Variants in TM6SF1 observed in about 807,000 individuals in gnomAD.
TM6SF1 encodes transmembrane 6 superfamily member 1.
TM6SF1 carries 43 observed loss-of-function variants against 47.1 expected under a neutral mutation model. The observed-to-expected ratio is 0.91, with a 90% CI of 0.72 to 1.18. The LOEUF is 1.18. Ranked by LOEUF, TM6SF1 falls within the 50% of genes most tolerant of loss-of-function variation. The pLI is 0.00. For missense variants in TM6SF1, 390 were observed against 449.0 expected, an observed-to-expected ratio of 0.87 and a Z score of 1.19; for synonymous variants, 177 against 166.3, an observed-to-expected ratio of 1.06 and a Z score of -0.49.
intron 9 of TM6SF1, chr15:83,133,331 AACACTCTTT>A (rs2036384357): frequency 6.6e-6 from 1 of 152,226 alleles, no homozygotes; most frequent in African/African-American, 2.4e-5. Flanking sequence ...ATGGACATAT[AACACTCTTT>A]CAGTTCCTCC....
chr15:83,117,315 G>A (rs141024366), intron 3 of TM6SF1, among the ~76,000 whole-genome samples: 1 of 152,282 alleles, frequency 6.6e-6, no homozygotes, highest in African/African-American at 2.4e-5. Context: ...GATGCTGGCA[G>A]GGCTTTGCAG....
At chr15:83,120,259 C>T (rs534039741) in intron 4 of TM6SF1, among the ~76,000 whole-genome samples, 1 of 152,314 alleles carries the variant, frequency 6.6e-6, no homozygotes, top group East Asian at 1.9e-4. Context: ...TCTTGGGAGG[C>T]ACACATGTGA....
chr15:83,115,538 G>A (rs911200172), intron 2 of TM6SF1: 1 of 492,870 alleles, frequency 2.0e-6, no homozygotes, highest in African/African-American at 1.9e-5. Context: ...TTGTAGGGGA[G>A]TGGAGGATGG....
intron 9 of TM6SF1, chr15:83,132,109 T>A (rs149652711): frequency 1.1e-4 from 17 of 152,336 alleles, no homozygotes; most frequent in African/African-American, 3.8e-4. Flanking sequence ...GTGAGGATAA[T>A]AACAGTAGCT....
chr15:83,110,917 C>T lies in TM6SF1; in HGVS notation c.93-1880C>T, dbSNP rs188623160. ...ACGGACTCTTGCTCTGTCATCCAAG[C>T]GGGACTGCAGTGGTGCAATCTTGGC... On this transcript the variant is annotated intron_variant, in intron 1 of 9. Transcript: ENST00000322019. Among the ~76,000 whole-genome samples, 748 of 152,286 alleles carry T rather than the reference C, an allele frequency of 4.9e-3. 5 individuals carry two copies. Among genetic ancestry groups the T allele is most frequent in the African/African-American group, 0.017 (695 of 41,566 alleles).
At chr15:83,130,094 T>G (rs908900569) in intron 9 of TM6SF1, 1 of 152,212 alleles carries the variant, frequency 6.6e-6, no homozygotes, top group Non-Finnish European at 1.5e-5. Flanking sequence ...GATGCAGGAA[T>G]GCTAAGTGTC....
At chr15:83,129,179 C>T (rs1321897744) in intron 9 of TM6SF1, 2 of 151,638 alleles carry the variant, frequency 1.3e-5, no homozygotes, top group Non-Finnish European at 2.9e-5. Flanking sequence ...TTTTTTTTTC[C>T]AGCTCCGCTG....
intron 9 of TM6SF1, chr15:83,134,225 T>G (rs2036460273): frequency 7.1e-6 from 1 of 141,216 alleles, no homozygotes; most frequent in Non-Finnish European, 1.5e-5. Context: ...GACATGAATC[T>G]TTTTTTTTTT....
chr15:83,113,625 C>G (rs1444422822), intron 2 of TM6SF1: 2 of 152,490 alleles, frequency 1.3e-5, no homozygotes, highest in Non-Finnish European at 2.9e-5. Flanking sequence ...CCTACAGCAA[C>G]AAACATTTAT....
intron 9 of TM6SF1, chr15:83,135,824 C>T (rs572584401): frequency 4.6e-5 from 7 of 152,316 alleles, no homozygotes; most frequent in South Asian, 2.1e-4. Context: ...AACCGTACTC[C>T]TACCTCCACC....
chr15:83,118,394 A>G (rs2034898226), intron 3 of TM6SF1, among the ~76,000 whole-genome samples: 1 of 152,232 alleles, frequency 6.6e-6, no homozygotes, highest in African/African-American at 2.4e-5. Flanking sequence ...ATGCTCATCA[A>G]GCTACCAGGA....
rs779388488 is a variant in TM6SF1, at chr15:83,136,630, A to G, written c.1071A>G (p.Pro357=). 1.2e-6 allele frequency: 2 copies of G among 1,606,670 alleles called. No homozygotes were observed. Among genetic ancestry groups the G allele is most frequent in the African/African-American group, 1.3e-5 (1 of 74,508 alleles). ...TGGCCTATCGTTGTATCTACAAACC[A>G]GAGTTCTTCATAAAAACAAAGGCAG... The part of the protein sequence containing the change: ...QLLAYRCIYK[P]EFFIKTKAEE... The change falls in exon 10 of 10, where the codon CCA becomes CCG. Residue 357 remains proline, a synonymous_variant. Coordinates refer to ENST00000322019, the MANE Select transcript of TM6SF1 (RefSeq NM_023003.5).
rs972216782 is a variant in TM6SF1 at position 83,107,840 on chromosome 15, C to T, written c.92+68C>T. ...GGAGTTGGCTCGCCGCGACGGGAGCCTCGCAACTTTTCCGAGGGGGCTGGG... is the reference window on the plus strand; with the variant it reads ...GGAGTTGGCTCGCCGCGACGGGAGCTTCGCAACTTTTCCGAGGGGGCTGGG... On this transcript the variant is annotated intron_variant, in intron 1 of 9. Transcript: ENST00000322019. This position sits in a 1 kb window ranked among gnomAD's most constrained non-coding sequence, Gnocchi z 5.6. 4.6e-6 allele frequency: 7 copies of T among 1,509,004 alleles called. No individual in the cohort carries two copies. The highest frequency in any genetic ancestry group is 6.2e-6 in the Non-Finnish European group (7 of 1,128,366). The allele number at this position is 1,509,004 out of a possible 1,614,324, so 93.5% of individuals were successfully genotyped here. A position where few individuals can be genotyped will look rare whatever the true frequency, so the allele number is the denominator to read the frequency against.
At chr15:83,115,600 T>C (rs1217723737) in intron 2 of TM6SF1, 2 of 640,840 alleles carry the variant, frequency 3.1e-6, no homozygotes, top group African/African-American at 3.6e-5. Context: ...GTGACCATCA[T>C]TCTCCACTCC....
At chr15:83,119,247 A>G (rs1266458962) in intron 3 of TM6SF1, among the ~76,000 whole-genome samples, 1 of 152,208 alleles carries the variant, frequency 6.6e-6, no homozygotes, top group Non-Finnish European at 1.5e-5. Context: ...CCTTGTGTCA[A>G]AGATTTGGCT....
intron 9 of TM6SF1, chr15:83,135,496 T>C (rs1035136558): frequency 5.9e-5 from 9 of 152,222 alleles, no homozygotes. Flanking sequence ...TATCTTGAAT[T>C]TCAGCAAGAT....
chr15:83,108,257 A>C (rs1427837574), intron 1 of TM6SF1, among the ~76,000 whole-genome samples: 1 of 152,190 alleles, frequency 6.6e-6, no homozygotes, highest in Admixed American at 6.5e-5. Flanking sequence ...GCCCGGAACC[A>C]ACAGGCAGAG....
chr15:83,126,497 G>T (rs556915637), intron 7 of TM6SF1, among the ~76,000 whole-genome samples: 1 of 152,182 alleles, frequency 6.6e-6, no homozygotes, highest in African/African-American at 2.4e-5. Flanking sequence ...GCCAAACCTA[G>T]ATACTTAAAC....
intron 1 of TM6SF1, among the ~76,000 whole-genome samples, chr15:83,110,851 T>A (rs2034079861): frequency 6.6e-6 from 1 of 152,162 alleles, no homozygotes; most frequent in African/African-American, 2.4e-5. Context: ...CCACCCTCAT[T>A]CTTTTTTAAA....
Sources: allele counts gnomAD v4.1 joint callset (sites outside exome capture counted in the v4.1 genomes callset), GRCh38; gene constraint gnomAD v4.1.1; non-coding constraint Gnocchi (gnomAD v3.1); transcripts MANE v1.5; gene names NCBI Gene and HGNC (gene_info 2026-07-23, HGNC 2026-07-21).